CYRIA: variants seen among roughly 807,000 people sequenced by gnomAD.
CYRIA encodes the protein CYFIP-related Rac1 interactor A.
In CYRIA, 15 loss-of-function variants were observed where a neutral mutation model predicts 43.9. The observed-to-expected ratio is 0.34, with a 90% CI of 0.23 to 0.53. The LOEUF (loss-of-function observed/expected upper bound fraction) is 0.53, where lower values mean the gene tolerates loss of function less well. Among genes scored for constraint, CYRIA ranks in the 20% least tolerant of loss-of-function variants. The pLI, the probability that CYRIA is intolerant of heterozygous loss-of-function variation, is 0.94. For missense variants in CYRIA, 236 were observed against 394.2 expected, an observed-to-expected ratio of 0.60 and a Z score of 3.40; for synonymous variants, 117 against 136.0, an observed-to-expected ratio of 0.86 and a Z score of 0.97.
intron 2 of CYRIA, among the ~76,000 whole-genome samples, chr2:16,606,224 C>T (rs1668391510): frequency 6.6e-6 from 1 of 152,156 alleles, no homozygotes; most frequent in African/African-American, 2.4e-5. Context: ...CAACAAAAAG[C>T]ATTATTATCC....
At chr2:16,626,092 A>G (rs1283865304) in intron 1 of CYRIA, among the ~76,000 whole-genome samples, 35 of 152,108 alleles carry the variant, frequency 2.3e-4, no homozygotes, top group Non-Finnish European at 4.9e-4. Flanking sequence ...GCACATTGTA[A>G]AGAATGACAG....
At chr2:16,554,261 G>A (rs980561935) in intron 11 of CYRIA, among the ~76,000 whole-genome samples, 1 of 152,056 alleles carries the variant, frequency 6.6e-6, no homozygotes, top group Non-Finnish European at 1.5e-5. Context: ...GGGACTCAAA[G>A]ATGAATAAGA....
At chr2:16,585,228 A>C (rs1339350696) in intron 3 of CYRIA, among the ~76,000 whole-genome samples, 5 of 152,102 alleles carry the variant, frequency 3.3e-5, no homozygotes, top group African/African-American at 7.2e-5. Flanking sequence ...CAGGATAAAA[A>C]AATTTTTTTT....
intron 1 of CYRIA, among the ~76,000 whole-genome samples, chr2:16,649,637 C>T (rs545844416): frequency 6.6e-6 from 1 of 151,994 alleles, no homozygotes; most frequent in Admixed American, 6.5e-5. Context: ...GACAGTTGTA[C>T]AGTACAGGGC....
intron 3 of CYRIA, among the ~76,000 whole-genome samples, chr2:16,582,535 C>T (rs1667585737): frequency 6.6e-6 from 1 of 152,178 alleles, no homozygotes; most frequent in African/African-American, 2.4e-5. Context: ...CCTCTCCCCA[C>T]CTCCGGGCCT....
intron 1 of CYRIA, among the ~76,000 whole-genome samples, chr2:16,632,373 G>C (rs922599512): frequency 6.6e-6 from 1 of 152,168 alleles, no homozygotes; most frequent in Non-Finnish European, 1.5e-5. Context: ...AACCCAACAG[G>C]AATATGCTGA....
At position 16,549,703 on chromosome 2, in the gene CYRIA, A is replaced by G. The variant is rs2103390351; in HGVS notation, c.*3233T>C. 1 of 152,276 alleles carries G rather than the reference A, an allele frequency of 6.6e-6. No individual in the cohort carries two copies. Among genetic ancestry groups the G allele is most frequent in the South Asian group, 2.1e-4 (1 of 4,824 alleles). 9.4% of individuals were successfully genotyped at this position (152,276 alleles called of 1,614,324 possible). A position where few individuals can be genotyped will look rare whatever the true frequency, so the allele number is the denominator to read the frequency against. On this transcript the variant is annotated 3_prime_UTR_variant, in exon 12 of 12. Coordinates refer to ENST00000381323, the MANE Select transcript of CYRIA (RefSeq NM_030797.4). ...ACATTTAAAAAATATTTGTAGCTGC[A>G]TAGGATACAAGATTGAATGAGAAGT... is the stretch of plus-strand genomic sequence containing the variant.
Position 16,559,536 on chromosome 2 carries a change from C to T in CYRIA, c.761G>A (p.Arg254Lys). 6.2e-7 allele frequency: 1 copy of T among 1,613,254 alleles called. No individual in the cohort carries two copies. Among genetic ancestry groups the T allele is most frequent in the East Asian group, 2.2e-5 (1 of 44,844 alleles). The change falls in exon 10 of 12, where the codon AGG becomes AAG. Residue 254 changes from arginine (R) to lysine (K), a missense_variant. Arg to Lys is a conservative substitution (Grantham distance 26). Coordinates refer to ENST00000381323, the MANE Select transcript of CYRIA (RefSeq NM_030797.4). ...GAGGATGATGACTCCCACCATCACC[C>T]TCATGCAGAACATCAGGGTCTCTTC... ...TSEETLMFCMRVMVGVIILYD... is the reference protein window; with the variant it reads ...TSEETLMFCMKVMVGVIILYD...
At chr2:16,611,611 G>C (rs1161946064) in intron 2 of CYRIA, among the ~76,000 whole-genome samples, 2 of 152,182 alleles carry the variant, frequency 1.3e-5, no homozygotes. Context: ...GAATAGTCTG[G>C]GAGGGTTTCC....
intron 2 of CYRIA, among the ~76,000 whole-genome samples, chr2:16,615,099 G>T (rs182005120): frequency 2.2e-4 from 34 of 152,284 alleles, no homozygotes; most frequent in Non-Finnish European, 4.4e-4. Context: ...TTTTCTTTGA[G>T]TTTTCTAGGC....
chr2:16,629,986 C>T (rs531087859), intron 1 of CYRIA, among the ~76,000 whole-genome samples: 1 of 152,266 alleles, frequency 6.6e-6, no homozygotes, highest in South Asian at 2.1e-4. Context: ...TAGTGACTAA[C>T]TGGGAGTGGC....
Position 16,575,787 on chromosome 2 carries a change from C to T in CYRIA, c.71-10020G>A, listed in dbSNP as rs528470538. On this transcript the variant is annotated intron_variant, in intron 3 of 11. Transcript: ENST00000381323. ...AGGAGAATGGCGTGAACCCAGGAGG[C>T]GGAGCTTGCAGTGAGCCGAGATTGC... is the stretch of plus-strand genomic sequence containing the variant. Among the ~76,000 whole-genome samples the T allele has an allele frequency of 7.3e-3, 1,108 of 151,892 alleles. 7 individuals are homozygous for T. The highest frequency in any genetic ancestry group is 0.011 in the Non-Finnish European group (747 of 67,974).
intron 5 of CYRIA, among the ~76,000 whole-genome samples, chr2:16,563,515 A>G (rs1375311653): frequency 6.6e-6 from 1 of 152,188 alleles, no homozygotes; most frequent in East Asian, 1.9e-4. Context: ...CAGATTTGGC[A>G]TTACTCAACA....
intron 1 of CYRIA, among the ~76,000 whole-genome samples, chr2:16,651,065 C>T (rs761865069): frequency 6.6e-4 from 101 of 152,300 alleles, no homozygotes; most frequent in Middle Eastern, 6.8e-3. Context: ...GTATGGAAGG[C>T]GTTCTGCAGC....
intron 3 of CYRIA, among the ~76,000 whole-genome samples, chr2:16,576,356 T>C (rs1667347587): frequency 1.3e-5 from 2 of 152,182 alleles, no homozygotes; most frequent in Admixed American, 1.3e-4. Context: ...AACAGTATAA[T>C]AAAAGTCATC....
chr2:16,659,502 A>C lies in CYRIA; in HGVS notation c.-167+6278T>G, dbSNP rs528555250. Among the ~76,000 whole-genome samples, 4 of 152,376 alleles carry C rather than the reference A, an allele frequency of 2.6e-5. No homozygotes were observed. The East Asian group carries it at 7.7e-4, about 29-fold the overall frequency. ...ATGGCTCAGTAGGAACACAAGACTC[A>C]GGAGATCGACAGCTTGTCAAAGCCC... On this transcript the variant is annotated intron_variant, in intron 1 of 11. Transcript: ENST00000381323.
At chr2:16,660,301 C>T (rs1042107377) in intron 1 of CYRIA, among the ~76,000 whole-genome samples, 1 of 152,230 alleles carries the variant, frequency 6.6e-6, no homozygotes, top group African/African-American at 2.4e-5. Context: ...CTGCAGCTGA[C>T]AGCTGAGCTT....
intron 1 of CYRIA, among the ~76,000 whole-genome samples, chr2:16,632,898 G>A (rs1411113507): frequency 3.3e-5 from 5 of 152,084 alleles, no homozygotes; most frequent in South Asian, 2.1e-4. Flanking sequence ...CATTGCATTC[G>A]TCCCCAAGAT....
At chr2:16,571,571 T>C (rs1291408311) in intron 3 of CYRIA, among the ~76,000 whole-genome samples, 2 of 152,268 alleles carry the variant, frequency 1.3e-5, no homozygotes, top group Non-Finnish European at 2.9e-5. Context: ...TAGGACTGTA[T>C]GGACAATTTG....
Sources: gnomAD v4.1 joint callset for allele counts (sites outside exome capture counted in the v4.1 genomes callset) on GRCh38, gnomAD v4.1.1 for gene constraint, MANE v1.5 for transcripts, NCBI Gene and HGNC (gene_info 2026-07-23, HGNC 2026-07-21) for gene names.